PEX3: variants seen among roughly 807,000 people sequenced by gnomAD.
The protein encoded by PEX3 is peroxin-3.
PEX3 carries 30 observed loss-of-function variants against 55.8 expected under a neutral mutation model. That is an observed-to-expected ratio of 0.54 (90% CI 0.40 to 0.73). The LOEUF is 0.73. PEX3 is among the 30% of genes least tolerant of loss of function. PEX3 has a pLI of 0.00. For synonymous variants in PEX3, 135 were observed against 148.4 expected (o/e 0.91, Z 0.66); for missense variants, 351 against 432.8 (o/e 0.81, Z 1.68).
In PEX3 at chr6:143,451,164, GA is replaced by G; in HGVS notation, c.73+50del. The stretch of plus-strand genomic sequence containing the variant: ...GGGGCATTGGGAGAAGGGGGTGGGA[GA>G]GGTGACTTCTTCTAAAATAAGGACA... On this transcript the variant is annotated intron_variant, in intron 1 of 11. Transcript: ENST00000367591. This position sits in a 1 kb window ranked among gnomAD's most constrained non-coding sequence, Gnocchi z 4.1. 1 of 1,285,606 alleles carries G rather than the reference GA, an allele frequency of 7.8e-7. No individual in the cohort carries two copies. The highest frequency in any genetic ancestry group is 1.1e-6 in the Non-Finnish European group (1 of 880,136). The allele number at this position is 1,285,606 out of a possible 1,614,324, so 79.6% of individuals were successfully genotyped here.
At position 143,486,157 on chromosome 6, in the gene PEX3, C is replaced by T. The variant is rs1780320744; in HGVS notation, c.1038+909C>T. Among the ~76,000 whole-genome samples, 1 of 152,130 alleles carries T rather than the reference C, an allele frequency of 6.6e-6. No homozygotes were observed. The highest frequency in any genetic ancestry group is 1.5e-5 in the Non-Finnish European group (1 of 67,996). ...CACACTGGACTCTTCAGTCTTCTGT[C>T]CTCTTTCTCACCCCTAAGAGCTTGG... On this transcript the variant is annotated intron_variant, in intron 11 of 11. Transcript: ENST00000367591. The surrounding 1 kb of genome is among the most constrained non-coding windows in gnomAD (Gnocchi z 5.0).
In PEX3 at chr6:143,482,239, T is replaced by C. The variant is rs1165323507; in HGVS notation, c.942-2913T>C. 6.6e-6 allele frequency among the ~76,000 whole-genome samples: 1 copy of C among 152,030 alleles called. No individual in the cohort carries two copies. The highest frequency in any genetic ancestry group is 2.4e-5 in the African/African-American group (1 of 41,414). ...TTGGATAGCGAAAAAAGAAAGAAAA[T>C]AGACAATTTACTGAGTGTTCTTACC... On this transcript the variant is annotated intron_variant, in intron 10 of 11. Transcript: ENST00000367591. The surrounding 1 kb of genome is among the most constrained non-coding windows in gnomAD (Gnocchi z 5.5).
chr6:143,484,307 C>T (rs757521503), intron 10 of PEX3, among the ~76,000 whole-genome samples: 7 of 152,120 alleles, frequency 4.6e-5, no homozygotes, highest in Admixed American at 1.3e-4. Context: ...AGAGATAATG[C>T]TCAGCTTGGA....
chr6:143,471,518 A>T lies in PEX3; in HGVS notation c.524-39A>T, dbSNP rs778264620. On this transcript the variant is annotated intron_variant, in intron 6 of 11. Transcript: ENST00000367591. The surrounding 1 kb of genome is among the most constrained non-coding windows in gnomAD (Gnocchi z 5.4). ...TATTTTTATTATTGAGGAATTTTTA[A>T]ACTAAGCAAGGCTTTTAGGTTTGTT... The T allele has an allele frequency of 2.5e-6, 4 of 1,580,874 alleles. No homozygotes were observed. Among genetic ancestry groups the T allele is most frequent in the Admixed American group, 3.3e-5 (2 of 59,858 alleles).
Position 143,453,874 on chromosome 6 carries a change from G to C in PEX3, c.73+2759G>C, listed in dbSNP as rs1404412745. 6.6e-6 allele frequency among the ~76,000 whole-genome samples: 1 copy of C among 151,986 alleles called. No individual in the cohort carries two copies. The highest frequency in any genetic ancestry group is 2.4e-5 in the African/African-American group (1 of 41,386). On this transcript the variant is annotated intron_variant, in intron 1 of 11. Transcript: ENST00000367591. This position sits in a 1 kb window ranked among gnomAD's most constrained non-coding sequence, Gnocchi z 4.6. Reference sequence around the variant, plus strand: ...ATTACAGGCATGAGCCACTGAGCCTGGCATAATTTGACCAGTTTGTGAAAA... The same window carrying C: ...ATTACAGGCATGAGCCACTGAGCCTCGCATAATTTGACCAGTTTGTGAAAA...
In PEX3 at chr6:143,454,938, C is replaced by G. The variant is rs1237934077; in HGVS notation, c.73+3823C>G. Among the ~76,000 whole-genome samples, 3 of 152,198 alleles carry G rather than the reference C, an allele frequency of 2.0e-5. No individual in the cohort carries two copies. Among genetic ancestry groups the G allele is most frequent in the Non-Finnish European group, 4.4e-5 (3 of 68,044 alleles). On this transcript the variant is annotated intron_variant, in intron 1 of 11. Coordinates refer to ENST00000367591, the MANE Select transcript of PEX3 (RefSeq NM_003630.3). This position sits in a 1 kb window ranked among gnomAD's most constrained non-coding sequence, Gnocchi z 4.3. ...TGAAGGGCCTTATGAAGCCATTCTACATAATTTGGACATTATCCTTTGTAT... is the reference window on the plus strand; with the variant it reads ...TGAAGGGCCTTATGAAGCCATTCTAGATAATTTGGACATTATCCTTTGTAT...
At chr6:143,474,655 T>C in intron 8 of PEX3, 131 bp from the exon 9 acceptor site, 1 of 662,592 alleles carries the variant, frequency 1.5e-6, no homozygotes, top group Non-Finnish European at 2.7e-6. Flanking sequence ...TGGGGGAGGG[T>C]CTAACTTTTT....
rs1404828434 is a variant in PEX3 at position 143,472,344 on chromosome 6, C to T, written c.747+16C>T. ...AGCAGTGCAGGTGCTTAATTCATAA[C>T]CATTTAACCAAACCAGTTACTCTAT... is the stretch of plus-strand genomic sequence containing the variant. On this transcript the variant is annotated intron_variant, in intron 8 of 11. Coordinates refer to ENST00000367591, the MANE Select transcript of PEX3 (RefSeq NM_003630.3). 1.9e-6 allele frequency: 3 copies of T among 1,568,910 alleles called. No individual in the cohort carries two copies. Among genetic ancestry groups the T allele is most frequent in the Non-Finnish European group, 1.8e-6 (2 of 1,140,814 alleles).
At chr6:143,477,022 A>C (rs1780162602) in intron 9 of PEX3, among the ~76,000 whole-genome samples, 1 of 152,196 alleles carries the variant, frequency 6.6e-6, no homozygotes, top group Non-Finnish European at 1.5e-5. Context: ...TGTTTCAAGG[A>C]GACTGTGATT....
At position 143,483,678 on chromosome 6, in the gene PEX3, T is replaced by C. The variant is rs1003223197; in HGVS notation, c.942-1474T>C. On this transcript the variant is annotated intron_variant, in intron 10 of 11. Coordinates refer to ENST00000367591, the MANE Select transcript of PEX3 (RefSeq NM_003630.3). The surrounding 1 kb of genome is among the most constrained non-coding windows in gnomAD (Gnocchi z 4.3). ...ATGTAATGGAATTTACATTGTATGA[T>C]TTCTTTGACTGGTTTGTGGAAAAGG... Among the ~76,000 whole-genome samples, 3 of 152,110 alleles carry C rather than the reference T, an allele frequency of 2.0e-5. No homozygotes were observed. Among genetic ancestry groups the C allele is most frequent in the Admixed American group, 6.6e-5 (1 of 15,252 alleles).
intron 10 of PEX3, chr6:143,484,849 A>G (rs1008577546): frequency 2.8e-6 from 1 of 351,580 alleles, no homozygotes; most frequent in African/African-American, 2.1e-5. Flanking sequence ...CAAACACTTT[A>G]GAACTTTTAA....
chr6:143,489,081 AAATT>A lies in PEX3; in HGVS notation c.1039-57_1039-54del. On this transcript the variant is annotated intron_variant, in intron 11 of 11. Transcript: ENST00000367591. The surrounding 1 kb of genome is among the most constrained non-coding windows in gnomAD (Gnocchi z 5.5). ...AGCTGAATTCATCGCTTGATTGCAG[AAATT>A]AATTCAAATTAGCTATATGTTTTGC... 1.8e-6 allele frequency: 2 copies of A among 1,099,518 alleles called. No individual in the cohort carries two copies. 68.1% of individuals were successfully genotyped at this position (1,099,518 alleles called of 1,614,324 possible).
Position 143,475,589 on chromosome 6 carries a change from G to A in PEX3, c.818+733G>A, listed in dbSNP as rs1028990854. Among the ~76,000 whole-genome samples the A allele has an allele frequency of 6.6e-6, 1 of 152,190 alleles. No homozygotes were observed. Among genetic ancestry groups the A allele is most frequent in the East Asian group, 1.9e-4 (1 of 5,196 alleles). On this transcript the variant is annotated intron_variant, in intron 9 of 11. Coordinates refer to ENST00000367591, the MANE Select transcript of PEX3 (RefSeq NM_003630.3). This position sits in a 1 kb window ranked among gnomAD's most constrained non-coding sequence, Gnocchi z 4.4. ...GATCACCTGAGCCCTGGCAGGTTGA[G>A]GCTATGGTGAGCCGTGATTGCACCA... is the stretch of plus-strand genomic sequence containing the variant.
In PEX3 at chr6:143,459,839, T is replaced by A. The variant is rs1346583995; in HGVS notation, c.205+623T>A. Among the ~76,000 whole-genome samples the A allele has an allele frequency of 6.6e-6, 1 of 152,214 alleles. No homozygotes were observed. Among genetic ancestry groups the A allele is most frequent in the Non-Finnish European group, 1.5e-5 (1 of 68,042 alleles). On this transcript the variant is annotated intron_variant, in intron 2 of 11. Transcript: ENST00000367591. This position sits in a 1 kb window ranked among gnomAD's most constrained non-coding sequence, Gnocchi z 4.2. ...AAAGAGTCATTAAGTTTATTAAATTTACAGTAGGCAACTATAGACCTGTGA... is the reference window on the plus strand; with the variant it reads ...AAAGAGTCATTAAGTTTATTAAATTAACAGTAGGCAACTATAGACCTGTGA...
rs1779897363 is a variant in PEX3, at chr6:143,459,935, A to C, written c.205+719A>C. 6.6e-6 allele frequency among the ~76,000 whole-genome samples: 1 copy of C among 152,250 alleles called. No individual in the cohort carries two copies. The highest frequency in any genetic ancestry group is 1.5e-5 in the Non-Finnish European group (1 of 68,044). ...TAATTTAACCTCCAGAGCTAGAAAC[A>C]TAGTCCTGGGAGAATGCCATCACAA... On this transcript the variant is annotated intron_variant, in intron 2 of 11. Transcript: ENST00000367591. The surrounding 1 kb of genome is among the most constrained non-coding windows in gnomAD (Gnocchi z 4.2).
chr6:143,470,053 G>A (rs1031769230), intron 4 of PEX3, among the ~76,000 whole-genome samples: 3 of 152,078 alleles, frequency 2.0e-5, no homozygotes, highest in South Asian at 2.1e-4. Context: ...GGGTTCAAGC[G>A]ATTCTCTTGC....
intron 1 of PEX3, among the ~76,000 whole-genome samples, chr6:143,455,359 ATTTTTTTTTTTT>A (rs56788350): frequency 7.5e-4 from 54 of 71,988 alleles, no homozygotes; most frequent in African/African-American, 2.1e-3. Context: ...CGCCCGGCTA[ATTTTTTTTTTTT>A]TTTTTTTTTT....
In PEX3 at chr6:143,465,392, A is replaced by T. The variant is rs1779978428; in HGVS notation, c.287+2395A>T. On this transcript the variant is annotated intron_variant, in intron 3 of 11. Coordinates refer to ENST00000367591, the MANE Select transcript of PEX3 (RefSeq NM_003630.3). This position sits in a 1 kb window ranked among gnomAD's most constrained non-coding sequence, Gnocchi z 4.7. ...TAACTATTACTGTCTTCTCCCACCA[A>T]AATCATCCCAAATAAAATACAGTTT... is the stretch of plus-strand genomic sequence containing the variant. Among the ~76,000 whole-genome samples the T allele has an allele frequency of 6.6e-6, 1 of 151,926 alleles. No individual in the cohort carries two copies. The highest frequency in any genetic ancestry group is 1.5e-5 in the Non-Finnish European group (1 of 67,866).
intron 9 of PEX3, among the ~76,000 whole-genome samples, chr6:143,478,628 A>T (rs1250238409): frequency 1.3e-5 from 2 of 152,054 alleles, no homozygotes; most frequent in Admixed American, 1.3e-4. Flanking sequence ...CCCCGGTCTC[A>T]TGTTTGAGCT....
Sources: gnomAD v4.1 joint callset for allele counts (sites outside exome capture counted in the v4.1 genomes callset) on GRCh38, gnomAD v4.1.1 for gene constraint, Gnocchi (gnomAD v3.1) non-coding constraint, MANE v1.5 for transcripts, NCBI Gene and HGNC (gene_info 2026-07-23, HGNC 2026-07-21) for gene names.